ROS1: variants seen among roughly 807,000 people sequenced by gnomAD.
ROS1 encodes the protein proto-oncogene tyrosine-protein kinase ROS.
Under a neutral mutation model 273.5 loss-of-function variants are expected in ROS1, and 263 were observed. The observed-to-expected ratio is 0.96, with a 90% CI of 0.87 to 1.06. The LOEUF is 1.06. Ranked by LOEUF, ROS1 falls within the 50% of genes least tolerant of loss-of-function variation. The pLI is 0.00. For missense variants in ROS1, 2,833 were observed against 2,751.1 expected, an observed-to-expected ratio of 1.03 and a Z score of -0.67; for synonymous variants, 1,008 against 954.1, an observed-to-expected ratio of 1.06 and a Z score of -1.04.
At chr6:117,407,990 T>C (rs1298508592) in intron 5 of ROS1, among the ~76,000 whole-genome samples, 1 of 152,156 alleles carries the variant, frequency 6.6e-6, no homozygotes, top group African/African-American at 2.4e-5. Context: ...TAAATGGTGC[T>C]GGGAATACTG....
At position 117,317,162 on chromosome 6, in the gene ROS1, C is replaced by A. The variant is rs3752566; in HGVS notation, c.6098G>T (p.Arg2033Leu). The part of the protein sequence containing the change: ...MEGGDLLTYL[R>L]KARMATFYGP... ...GCCTACCGTTGCCATCCGGGCTTTA[C>A]GCAAATAAGTAAGAAGGTCTCCTCC... is the stretch of plus-strand genomic sequence containing the variant. Residue 2033 changes from arginine to leucine, a missense_variant, in exon 39 of 44, where the codon CGT becomes CTT. Physicochemically the swap from Arg to Leu is moderately radical, Grantham distance 102 (BLOSUM62 -2). Coordinates refer to ENST00000368507, the MANE Select transcript of ROS1 (RefSeq NM_001378902.1). 17 of 1,612,834 alleles carry A rather than the reference C, an allele frequency of 1.1e-5. No homozygotes were observed. The highest frequency in any genetic ancestry group is 2.2e-5 in the East Asian group (1 of 44,826).
chr6:117,325,387 A>G (rs1776560336), intron 34 of ROS1, among the ~76,000 whole-genome samples: 3 of 152,190 alleles, frequency 2.0e-5, no homozygotes, highest in Admixed American at 2.0e-4. Flanking sequence ...TAAGTGACAT[A>G]AAAACTTTTT....
At chr6:117,361,630 A>G (rs1001358209) in intron 22 of ROS1, among the ~76,000 whole-genome samples, 3 of 150,208 alleles carry the variant, frequency 2.0e-5, no homozygotes, top group African/African-American at 4.9e-5. Context: ...TTACCAAAAC[A>G]CTCCTAATTT....
chr6:117,409,957 CTT>C (rs1383891504), intron 4 of ROS1, among the ~76,000 whole-genome samples: 1 of 152,286 alleles, frequency 6.6e-6, no homozygotes, highest in East Asian at 1.9e-4. Flanking sequence ...ATGATCCTTA[CTT>C]TTCCCTCCAT....
chr6:117,412,241 A>G (rs1255710637), intron 4 of ROS1, among the ~76,000 whole-genome samples: 1 of 152,150 alleles, frequency 6.6e-6, no homozygotes, highest in African/African-American at 2.4e-5. Flanking sequence ...TGTTTCAGGT[A>G]CAATAAGATC....
At chr6:117,367,024 C>G (rs1205824333) in intron 18 of ROS1, among the ~76,000 whole-genome samples, 2 of 152,148 alleles carry the variant, frequency 1.3e-5, no homozygotes, top group African/African-American at 4.8e-5. Flanking sequence ...AGGCAAGGTT[C>G]TTACAGGACC....
At chr6:117,409,545 G>A in intron 5 of ROS1, 37 bp downstream of exon 5, 4 of 1,476,930 alleles carry the variant, frequency 2.7e-6, no homozygotes, top group Non-Finnish European at 2.8e-6. Flanking sequence ...CTAGAGTGGT[G>A]CAGCCTATTT....
intron 1 of ROS1, among the ~76,000 whole-genome samples, chr6:117,423,531 T>C (rs759890633): frequency 2.0e-5 from 3 of 152,196 alleles, no homozygotes; most frequent in Non-Finnish European, 2.9e-5. Flanking sequence ...ACATGGCTTC[T>C]AGAATTCAAA....
chr6:117,340,173 C>T (rs898836232), intron 31 of ROS1, among the ~76,000 whole-genome samples: 5 of 152,030 alleles, frequency 3.3e-5, no homozygotes, highest in Admixed American at 2.6e-4. Flanking sequence ...TTTAAATAGA[C>T]AACAAATTAT....
At chr6:117,414,690 G>A in intron 3 of ROS1, 145 bp from the exon 4 acceptor site, 1 of 558,252 alleles carries the variant, frequency 1.8e-6, no homozygotes. Context: ...AGGGAGCCCA[G>A]AGCAGGACCC....
chr6:117,366,131 T>C lies in ROS1; in HGVS notation c.2742A>G (p.Glu914=). The change falls in exon 19 of 44, where the codon GAA becomes GAG. Residue 914 remains glutamate (E), a synonymous_variant. Transcript: ENST00000368507. ...TTGTGAACTGATTAAATCTGGCTGGTTCCAAAACAGAGACACTGGTTTTCT... is the reference window on the plus strand; with the variant it reads ...TTGTGAACTGATTAAATCTGGCTGGCTCCAAAACAGAGACACTGGTTTTCT... ...IGQKTSVSVL[E]PARFNQFTII... 6.2e-7 allele frequency: 1 copy of C among 1,614,124 alleles called. No individual in the cohort carries two copies. Among genetic ancestry groups the C allele is most frequent in the Non-Finnish European group, 8.5e-7 (1 of 1,179,992 alleles).
At chr6:117,333,332 T>C (rs947830361) in intron 32 of ROS1, among the ~76,000 whole-genome samples, 6 of 152,028 alleles carry the variant, frequency 3.9e-5, no homozygotes, top group African/African-American at 1.4e-4. Flanking sequence ...TAGCAAGCTC[T>C]GGAATGGAGG....
chr6:117,385,618 T>G, intron 16 of ROS1, 65 bp downstream of exon 16: 1 of 1,382,100 alleles, frequency 7.2e-7, no homozygotes, highest in Non-Finnish European at 1.0e-6. Flanking sequence ...AAGAAATTGG[T>G]GTGCAAGTCA....
chr6:117,409,329 C>T (rs916568181), intron 5 of ROS1, among the ~76,000 whole-genome samples: 2 of 152,142 alleles, frequency 1.3e-5, no homozygotes, highest in Non-Finnish European at 2.9e-5. Context: ...ACCTACTGAA[C>T]TTGAGGACAA....
chr6:117,419,146 G>C (rs1400835192), intron 1 of ROS1, among the ~76,000 whole-genome samples: 5 of 152,292 alleles, frequency 3.3e-5, no homozygotes, highest in Non-Finnish European at 4.4e-5. Flanking sequence ...AGAGAGAAGA[G>C]AGCAGCATTC....
chr6:117,352,278 T>G (rs1287525173), intron 27 of ROS1, among the ~76,000 whole-genome samples: 1 of 152,178 alleles, frequency 6.6e-6, no homozygotes, highest in Non-Finnish European at 1.5e-5. Flanking sequence ...TTGTTTTTGT[T>G]TGTATGGTTT....
intron 16 of ROS1, 89 bp downstream of exon 16, chr6:117,385,594 A>AT: frequency 8.9e-7 from 1 of 1,121,176 alleles, no homozygotes; most frequent in Non-Finnish European, 1.3e-6. Flanking sequence ...GTGCACAGGT[A>AT]TTTAAAAAAA....
At chr6:117,400,592 G>A (rs1773856451) in intron 7 of ROS1, among the ~76,000 whole-genome samples, 1 of 152,152 alleles carries the variant, frequency 6.6e-6, no homozygotes, top group Non-Finnish European at 1.5e-5. Flanking sequence ...GCTTTTTGTT[G>A]CTTTCCAGAG....
At chr6:117,313,283 G>C (rs967222681) in intron 39 of ROS1, among the ~76,000 whole-genome samples, 1 of 152,132 alleles carries the variant, frequency 6.6e-6, no homozygotes, top group African/African-American at 2.4e-5. Context: ...CAAAAGTTAA[G>C]GCTAGGTGTG....
Sources: allele counts gnomAD v4.1 joint callset (sites outside exome capture counted in the v4.1 genomes callset), GRCh38; gene constraint gnomAD v4.1.1; transcripts MANE v1.5; gene names NCBI Gene and HGNC (gene_info 2026-07-23, HGNC 2026-07-21).